CSTPP1: variants seen among roughly 807,000 people sequenced by gnomAD.
The protein encoded by CSTPP1 is UPF0705 protein C11orf49.
chr11:46,999,289 C>A, the CSTPP1 span, among the ~76,000 whole-genome samples: 19 of 151,780 alleles, frequency 1.3e-4, no homozygotes, highest in African/African-American at 4.4e-4. Flanking sequence ...CATGTCTCAG[C>A]TACTACAATT....
At chr11:47,022,128 G>A in the CSTPP1 span, among the ~76,000 whole-genome samples, 4 of 132,726 alleles carry the variant, frequency 3.0e-5, no homozygotes, top group African/African-American at 1.2e-4. Flanking sequence ...CATGTGGAAA[G>A]CATACCACTT....
chr11:46,968,858 C>T, the CSTPP1 span, among the ~76,000 whole-genome samples: 1 of 152,156 alleles, frequency 6.6e-6, no homozygotes, highest in South Asian at 2.1e-4. Context: ...GAGATCGTGC[C>T]ACTGCATTCC....
the CSTPP1 span, chr11:46,987,564 A>G: frequency 5.5e-6 from 2 of 361,126 alleles, no homozygotes; most frequent in Non-Finnish European, 1.0e-5. Context: ...TATTAGATCT[A>G]TTTCTGTAGG....
the CSTPP1 span, among the ~76,000 whole-genome samples, chr11:47,013,332 C>A: frequency 6.6e-6 from 1 of 152,012 alleles, no homozygotes; most frequent in Non-Finnish European, 1.5e-5. Flanking sequence ...TGATTTGCTG[C>A]ATCTCTCAAC....
chr11:47,038,187 T>C, the CSTPP1 span, among the ~76,000 whole-genome samples: 2 of 95,244 alleles, frequency 2.1e-5, no homozygotes, highest in Admixed American at 2.2e-4. Context: ...ACGGGGCGGC[T>C]GGCCGGGCAG....
the CSTPP1 span, among the ~76,000 whole-genome samples, chr11:47,017,408 C>T: frequency 6.6e-6 from 1 of 152,032 alleles, no homozygotes. Context: ...CTGCTGACCT[C>T]GTGATCTTCC....
the CSTPP1 span, among the ~76,000 whole-genome samples, chr11:46,971,366 G>C: frequency 6.6e-6 from 1 of 152,164 alleles, no homozygotes; most frequent in South Asian, 2.1e-4. Context: ...CAAGGAAATT[G>C]GTCTCTTCCG....
chr11:46,972,395 A>T, the CSTPP1 span, among the ~76,000 whole-genome samples: 2 of 152,234 alleles, frequency 1.3e-5, no homozygotes, highest in African/African-American at 4.8e-5. Context: ...CCCCCTTGCT[A>T]GGGTTGTTGA....
At chr11:47,155,162 T>C in the CSTPP1 span, 3 of 1,601,158 alleles carry the variant, frequency 1.9e-6, no homozygotes, top group Non-Finnish European at 2.6e-6. Context: ...TCAGATTCTC[T>C]CTTTCCCCTT....
chr11:47,097,441 G>C, the CSTPP1 span, among the ~76,000 whole-genome samples: 1 of 51,922 alleles, frequency 1.9e-5, no homozygotes, highest in Non-Finnish European at 4.3e-5. Context: ...CGCCCCGTCC[G>C]GGAGGGAGGT....
the CSTPP1 span, chr11:47,161,578 C>T: frequency 6.2e-7 from 1 of 1,613,990 alleles, no homozygotes; most frequent in Non-Finnish European, 8.5e-7. Flanking sequence ...TCCATCATTC[C>T]CGAAAAGTGG....
At chr11:47,046,162 A>G in the CSTPP1 span, among the ~76,000 whole-genome samples, 1 of 152,126 alleles carries the variant, frequency 6.6e-6, no homozygotes, top group Admixed American at 6.5e-5. Context: ...AAGGAAAAAA[A>G]AGGAAAAGGT....
chr11:47,074,254 C>G, the CSTPP1 span, among the ~76,000 whole-genome samples: 4 of 152,002 alleles, frequency 2.6e-5, no homozygotes, highest in Non-Finnish European at 5.9e-5. Flanking sequence ...AGTCCTAGCA[C>G]TTTGGGAGGC....
chr11:47,029,707 G>C, the CSTPP1 span, among the ~76,000 whole-genome samples: 1 of 151,792 alleles, frequency 6.6e-6, no homozygotes, highest in Non-Finnish European at 1.5e-5. Context: ...TTCATATGCT[G>C]TGTTTGAATC....
At chr11:47,101,479 C>T in the CSTPP1 span, among the ~76,000 whole-genome samples, 6 of 151,686 alleles carry the variant, frequency 4.0e-5, no homozygotes, top group Non-Finnish European at 7.4e-5. Context: ...ATATGAATTT[C>T]CCATGTTACT....
the CSTPP1 span, among the ~76,000 whole-genome samples, chr11:46,989,546 T>G: frequency 6.6e-6 from 1 of 152,208 alleles, no homozygotes; most frequent in Non-Finnish European, 1.5e-5. Context: ...AGTAATCCTC[T>G]CACCTTGGCC....
chr11:47,161,282 G>GT, the CSTPP1 span: 1 of 1,606,998 alleles, frequency 6.2e-7, no homozygotes, highest in Non-Finnish European at 8.5e-7. Context: ...CCACTTGTCT[G>GT]TAACATCCCA....
chr11:47,089,842 T>C, the CSTPP1 span, among the ~76,000 whole-genome samples: 4 of 152,080 alleles, frequency 2.6e-5, no homozygotes, highest in African/African-American at 7.2e-5. Flanking sequence ...ACACTGACAG[T>C]TGTGATAAAT....
At chr11:47,158,063 G>T in the CSTPP1 span, 2 of 728,808 alleles carry the variant, frequency 2.7e-6, no homozygotes, top group Non-Finnish European at 4.6e-6. Flanking sequence ...TCAATCCCAG[G>T]GAGCAGGAAT....
Sources: gnomAD v4.1 joint callset for allele counts (sites outside exome capture counted in the v4.1 genomes callset) on GRCh38, gnomAD v4.1.1 for gene constraint, MANE v1.5 for transcripts, NCBI Gene and HGNC (gene_info 2026-07-23, HGNC 2026-07-21) for gene names.